VAV3: variants seen among roughly 807,000 people sequenced by gnomAD.
The protein encoded by VAV3 is vav guanine nucleotide exchange factor 3, also known as guanine nucleotide exchange factor VAV3.
A neutral mutation model predicts 131.2 loss-of-function variants in VAV3; 94 were observed. That is an observed-to-expected ratio of 0.72 (90% CI 0.61 to 0.85). The LOEUF (loss-of-function observed/expected upper bound fraction) is 0.85, where lower values mean the gene tolerates loss of function less well. Ranked by LOEUF, VAV3 falls within the 40% of genes least tolerant of loss-of-function variation. VAV3 has a pLI of 0.00. For missense variants in VAV3, 939 were observed against 1,002.7 expected, an observed-to-expected ratio of 0.94 and a Z score of 0.86; for synonymous variants, 349 against 342.0, an observed-to-expected ratio of 1.02 and a Z score of -0.22.
At chr1:107,614,539 C>T (rs563872831) in intron 21 of VAV3, among the ~76,000 whole-genome samples, 19 of 151,942 alleles carry the variant, frequency 1.3e-4, no homozygotes, top group African/African-American at 4.6e-4. Context: ...TAATATAAAA[C>T]AACCATATTT....
intron 2 of VAV3, among the ~76,000 whole-genome samples, chr1:107,802,244 G>GT (rs557327897): frequency 0.14 from 21,095 of 151,578 alleles, 1,581 homozygotes; most frequent in Non-Finnish European, 0.16. Flanking sequence ...TTCTAACAGG[G>GT]TTTTTTTTGT....
intron 15 of VAV3, among the ~76,000 whole-genome samples, chr1:107,738,893 G>A (rs141353010): frequency 1.3e-5 from 2 of 152,040 alleles, no homozygotes; most frequent in East Asian, 1.9e-4. Flanking sequence ...CAGACAAGCC[G>A]GAGACAGTAG....
chr1:107,946,862 A>G (rs1359397240), intron 1 of VAV3, among the ~76,000 whole-genome samples: 1 of 152,210 alleles, frequency 6.6e-6, no homozygotes, highest in Non-Finnish European at 1.5e-5. Flanking sequence ...ACCAACCATA[A>G]TAGTATTTAG....
intron 1 of VAV3, among the ~76,000 whole-genome samples, chr1:107,935,600 T>C (rs898574933): frequency 1.3e-5 from 2 of 152,172 alleles, no homozygotes; most frequent in African/African-American, 4.8e-5. Context: ...ACTTACTCAT[T>C]GCAGTTACAG....
At chr1:107,810,713 A>G (rs942112597) in intron 2 of VAV3, among the ~76,000 whole-genome samples, 5 of 152,114 alleles carry the variant, frequency 3.3e-5, no homozygotes, top group Non-Finnish European at 7.3e-5. Flanking sequence ...TAATCACCCA[A>G]TAGGTAATCA....
chr1:107,716,845 C>G (rs1021965975), intron 15 of VAV3, among the ~76,000 whole-genome samples: 1 of 152,068 alleles, frequency 6.6e-6, no homozygotes, highest in Admixed American at 6.6e-5. Context: ...CTGGTAGAAT[C>G]CGGCTGTGAA....
intron 20 of VAV3, among the ~76,000 whole-genome samples, chr1:107,629,872 C>T (rs1291957855): frequency 6.6e-6 from 1 of 152,060 alleles, no homozygotes. Flanking sequence ...TTGTATTCTC[C>T]TGACATAGAG....
chr1:107,866,822 C>CAAAAAAAAAAAAA (rs66866060), intron 2 of VAV3, among the ~76,000 whole-genome samples: 5 of 59,204 alleles, frequency 8.4e-5, no homozygotes, highest in African/African-American at 4.1e-4. Context: ...GACTCCATCT[C>CAAAAAAAAAAAAA]AAAAAAAAAA....
At chr1:107,807,139 C>A (rs1667097240) in intron 2 of VAV3, among the ~76,000 whole-genome samples, 1 of 152,154 alleles carries the variant, frequency 6.6e-6, no homozygotes, top group Non-Finnish European at 1.5e-5. Context: ...CACAGAAATT[C>A]TTGGTTTCTA....
chr1:107,838,803 T>C (rs919353348), intron 2 of VAV3, among the ~76,000 whole-genome samples: 1 of 152,180 alleles, frequency 6.6e-6, no homozygotes, highest in Admixed American at 6.5e-5. Context: ...TGCAGCAGCA[T>C]AGATGGTGCT....
At chr1:107,704,440 A>T (rs1315259526) in intron 17 of VAV3, 110 bp downstream of exon 17, 2 of 738,448 alleles carry the variant, frequency 2.7e-6, no homozygotes, top group East Asian at 5.5e-5. Flanking sequence ...TAGTTTCAAA[A>T]GCAGATATGT....
At chr1:107,916,839 T>C (rs1251804050) in intron 1 of VAV3, among the ~76,000 whole-genome samples, 1 of 152,012 alleles carries the variant, frequency 6.6e-6, no homozygotes, top group African/African-American at 2.4e-5. Context: ...ACAAGAAGGA[T>C]TCAGGAGAAA....
chr1:107,654,274 T>G (rs1017085470), intron 19 of VAV3, among the ~76,000 whole-genome samples: 1 of 152,024 alleles, frequency 6.6e-6, no homozygotes, highest in African/African-American at 2.4e-5. Context: ...AGACTCAAAA[T>G]TTTCTAGTGA....
intron 25 of VAV3, among the ~76,000 whole-genome samples, chr1:107,577,149 G>C (rs1424567704): frequency 6.6e-6 from 1 of 152,186 alleles, no homozygotes; most frequent in Non-Finnish European, 1.5e-5. Context: ...TGAAGTCTTA[G>C]GTACCATGCT....
In VAV3 at chr1:107,609,960, G is replaced by T. The variant is rs764426296; in HGVS notation, c.1986C>A (p.Pro662=). The T allele has an allele frequency of 1.9e-6, 3 of 1,613,166 alleles. No individual in the cohort carries two copies. In the South Asian group the frequency reaches 3.3e-5, roughly 18 times the overall value. The change falls in exon 22 of 27, where the codon CCC becomes CCA. Residue 662 remains proline (P), a synonymous_variant. Coordinates refer to ENST00000370056, the MANE Select transcript of VAV3 (RefSeq NM_006113.5). ...SDAVKPCPCV[P]KPVDYSCQPW... ...GTTGGCAAGAATAATCTACTGGTTT[G>T]GGCACCTAGGATATAAAAAAGCAAA...
chr1:107,804,684 T>C (rs574940630), intron 2 of VAV3, among the ~76,000 whole-genome samples: 1 of 152,348 alleles, frequency 6.6e-6, no homozygotes, highest in South Asian at 2.1e-4. Context: ...TACATCATAA[T>C]TGCAGTATTA....
chr1:107,617,431 A>G (rs1653243202), intron 21 of VAV3, 136 bp downstream of exon 21: 2 of 699,880 alleles, frequency 2.9e-6, no homozygotes, highest in South Asian at 3.2e-5. Flanking sequence ...AATGATGTTG[A>G]AAATAATGAT....
At chr1:107,936,964 G>A (rs912087465) in intron 1 of VAV3, among the ~76,000 whole-genome samples, 12 of 152,022 alleles carry the variant, frequency 7.9e-5, no homozygotes, top group Admixed American at 6.6e-4. Context: ...CAATGCTGCC[G>A]GTCAGATTTC....
intron 2 of VAV3, among the ~76,000 whole-genome samples, chr1:107,816,674 G>A (rs1034654092): frequency 2.0e-5 from 3 of 152,180 alleles, no homozygotes; most frequent in African/African-American, 4.8e-5. Flanking sequence ...TAACCTGACA[G>A]CTCAAATTTT....
Sources: gnomAD v4.1 joint callset for allele counts (sites outside exome capture counted in the v4.1 genomes callset) on GRCh38, gnomAD v4.1.1 for gene constraint, MANE v1.5 for transcripts, NCBI Gene and HGNC (gene_info 2026-07-23, HGNC 2026-07-21) for gene names.